The following MEF2A variants were observed in gnomAD, a reference collection of about 807,000 sequenced individuals.
The protein encoded by MEF2A is myocyte-specific enhancer factor 2A.
MEF2A carries 28 observed loss-of-function variants against 55.8 expected under a neutral mutation model. The ratio of observed to expected loss-of-function variants is 0.50; its 90% CI spans 0.37 to 0.69. MEF2A has a LOEUF of 0.69. Among genes scored for constraint, MEF2A ranks in the 30% least tolerant of loss-of-function variants. The probability of loss-of-function intolerance (pLI) is 0.00; values close to 1 mark genes in which losing one functional copy is unlikely to be tolerated. For missense variants in MEF2A, 528 were observed against 626.2 expected (o/e 0.84, Z 1.67); for synonymous variants, 239 against 227.1 (o/e 1.05, Z -0.47).
chr15:99,614,045 AC>A (rs1567228339), intron 2 of MEF2A, among the ~76,000 whole-genome samples: 1 of 151,918 alleles, frequency 6.6e-6, no homozygotes, highest in East Asian at 1.9e-4. Context: ...CAAAATTTCA[AC>A]TCTGCCTCCT....
rs528717241 is a variant in MEF2A at position 99,595,904 on chromosome 15, G to A, written c.-224-2526G>A. ...TGTGTGTCAACGGGTAGTCGAGGGA[G>A]ATAGGGATAGCAATTAGAGGACCAG... is the stretch of plus-strand genomic sequence containing the variant. On this transcript the variant is annotated intron_variant, in intron 1 of 11. Coordinates refer to ENST00000557942, the MANE Select transcript of MEF2A (RefSeq NM_001319206.4). 3.2e-4 allele frequency among the ~76,000 whole-genome samples: 48 copies of A among 152,318 alleles called. 1 individual carries two copies. Among genetic ancestry groups the A allele is most frequent in the Non-Finnish European group, 5.3e-4 (36 of 68,022 alleles).
chr15:99,630,307 T>C (rs1390027404), intron 2 of MEF2A, among the ~76,000 whole-genome samples: 1 of 152,144 alleles, frequency 6.6e-6, no homozygotes, highest in Non-Finnish European at 1.5e-5. Context: ...TGTGCTTCAG[T>C]CTAGGTGTTT....
At chr15:99,568,821 A>G (rs8027544) in intron 1 of MEF2A, among the ~76,000 whole-genome samples, 7,595 of 152,226 alleles carry the variant, frequency 0.05, 644 homozygotes, top group African/African-American at 0.17. Flanking sequence ...ATCAGACCAT[A>G]CCCCGGTTAC....
At chr15:99,642,395 C>T (rs2045182010) in intron 3 of MEF2A, among the ~76,000 whole-genome samples, 1 of 151,776 alleles carries the variant, frequency 6.6e-6, no homozygotes, top group Non-Finnish European at 1.5e-5. Flanking sequence ...AATATTTTTC[C>T]TTTGCTAAAT....
At chr15:99,600,531 C>G (rs1972620380) in intron 2 of MEF2A, among the ~76,000 whole-genome samples, 1 of 152,106 alleles carries the variant, frequency 6.6e-6, no homozygotes, top group Non-Finnish European at 1.5e-5. Context: ...CTTGGAACTT[C>G]TTTGGACTAC....
intron 6 of MEF2A, among the ~76,000 whole-genome samples, chr15:99,674,896 G>A (rs537819264): frequency 6.6e-6 from 1 of 152,280 alleles, no homozygotes; most frequent in African/African-American, 2.4e-5. Flanking sequence ...GATATCAGAA[G>A]CAAGGATTTA....
chr15:99,679,984 T>G (rs1308344547), intron 7 of MEF2A, among the ~76,000 whole-genome samples: 1 of 152,210 alleles, frequency 6.6e-6, no homozygotes, highest in African/African-American at 2.4e-5. Flanking sequence ...GACATTGTTG[T>G]CTGCATGTGG....
At chr15:99,611,264 T>C (rs1977191564) in intron 2 of MEF2A, among the ~76,000 whole-genome samples, 1 of 152,030 alleles carries the variant, frequency 6.6e-6, no homozygotes, top group South Asian at 2.1e-4. Flanking sequence ...AAACAAAACT[T>C]GATGAGTGGG....
chr15:99,675,653 C>CT (rs1349090668), intron 7 of MEF2A, among the ~76,000 whole-genome samples, 195 bp downstream of exon 7: 1 of 152,194 alleles, frequency 6.6e-6, no homozygotes, highest in Non-Finnish European at 1.5e-5. Context: ...CCAAACTACT[C>CT]TATCTTACAA....
chr15:99,669,582 G>A (rs535810686), intron 4 of MEF2A, among the ~76,000 whole-genome samples: 1 of 152,352 alleles, frequency 6.6e-6, no homozygotes, highest in Non-Finnish European at 1.5e-5. Flanking sequence ...TGGAGAAAAT[G>A]TTGGAGAAAT....
At position 99,670,304 on chromosome 15, in the gene MEF2A, A is replaced by T. The variant is rs1481453836; in HGVS notation, c.259-1019A>T. On this transcript the variant is annotated intron_variant, in intron 4 of 11. Transcript: ENST00000557942. ...ATAATCCAGGAGATATTTTAATGGC[A>T]CTCAAGAATATTCTCCAGAAAGGGC... 2.0e-5 allele frequency among the ~76,000 whole-genome samples: 3 copies of T among 152,164 alleles called. No homozygotes were observed. In the East Asian group the frequency reaches 5.8e-4, roughly 29 times the overall value.
At chr15:99,568,619 T>G (rs1283249220) in intron 1 of MEF2A, among the ~76,000 whole-genome samples, 1 of 152,212 alleles carries the variant, frequency 6.6e-6, no homozygotes, top group Non-Finnish European at 1.5e-5. Flanking sequence ...TTCAGTAGAT[T>G]TGTGTTCTGA....
At chr15:99,694,710 C>T (rs2056143595) in intron 8 of MEF2A, among the ~76,000 whole-genome samples, 1 of 152,140 alleles carries the variant, frequency 6.6e-6, no homozygotes, top group African/African-American at 2.4e-5. Context: ...ATGTTCAGCC[C>T]ACACTTTTAA....
intron 4 of MEF2A, 45 bp from the exon 5 acceptor site, chr15:99,671,278 G>A: frequency 6.3e-7 from 1 of 1,575,078 alleles, no homozygotes; most frequent in South Asian, 1.2e-5. Flanking sequence ...AAAACTCATG[G>A]CAAGTTAGCA....
At chr15:99,620,183 A>G (rs1044211299) in intron 2 of MEF2A, among the ~76,000 whole-genome samples, 1 of 152,202 alleles carries the variant, frequency 6.6e-6, no homozygotes, top group Non-Finnish European at 1.5e-5. Context: ...CAATATCTAC[A>G]GAATTTTTTT....
intron 5 of MEF2A, 59 bp downstream of exon 5, chr15:99,671,513 T>G: frequency 6.2e-7 from 1 of 1,613,922 alleles, no homozygotes; most frequent in Non-Finnish European, 8.5e-7. Context: ...TTAACTTCAT[T>G]ATTTAGGCTC....
At chr15:99,666,385 A>G (rs571619375) in intron 4 of MEF2A, among the ~76,000 whole-genome samples, 6 of 152,232 alleles carry the variant, frequency 3.9e-5, no homozygotes, top group Admixed American at 1.3e-4. Flanking sequence ...TGGGAGTTGA[A>G]CAATGACAAC....
rs896791531 is a variant in MEF2A, at chr15:99,677,912, A to G, written c.670+2454A>G. Among the ~76,000 whole-genome samples the G allele has an allele frequency of 5.3e-5, 8 of 152,190 alleles. No individual in the cohort carries two copies. In the East Asian group the frequency reaches 7.7e-4, roughly 15 times the overall value. ...TGAAATAGAAAATAGAAAATTTTCT[A>G]TTTCAGGCATGGTGAAACAGATGAT... On this transcript the variant is annotated intron_variant, in intron 7 of 11. Transcript: ENST00000557942.
chr15:99,645,906 G>A, intron 4 of MEF2A, 142 bp downstream of exon 4: 1 of 591,070 alleles, frequency 1.7e-6, no homozygotes, highest in Non-Finnish European at 2.9e-6. Flanking sequence ...TCTTAGAAGA[G>A]TGATTGCTGT....
Sources: gnomAD v4.1 joint callset for allele counts (sites outside exome capture counted in the v4.1 genomes callset) on GRCh38, gnomAD v4.1.1 for gene constraint, MANE v1.5 for transcripts, NCBI Gene and HGNC (gene_info 2026-07-23, HGNC 2026-07-21) for gene names.